Variants in ZNF787 observed in about 807,000 individuals in gnomAD.
ZNF787 encodes TTF-I-interacting peptide 20.
Under a neutral mutation model 16.9 loss-of-function variants are expected in ZNF787, and 7 were observed. That is an observed-to-expected ratio of 0.42 (90% confidence interval 0.24 to 0.78). ZNF787 has a LOEUF of 0.78. Ranked by LOEUF, ZNF787 falls within the 30% of genes least tolerant of loss-of-function variation. The probability of loss-of-function intolerance (pLI) is 0.30; values close to 1 mark genes in which losing one functional copy is unlikely to be tolerated. For missense variants in ZNF787, 551 were observed against 589.3 expected (o/e 0.94, Z 0.67); for synonymous variants, 345 against 270.9 (o/e 1.27, Z -2.69).
intron 1 of ZNF787, among the ~76,000 whole-genome samples, chr19:56,105,034 A>G (rs967214851): frequency 1.3e-5 from 2 of 152,212 alleles, no homozygotes; most frequent in Non-Finnish European, 2.9e-5. Flanking sequence ...AGGCTAAGGC[A>G]GGAGAATTGC....
At chr19:56,091,488 C>T (rs773530160) in intron 2 of ZNF787, among the ~76,000 whole-genome samples, 4 of 152,144 alleles carry the variant, frequency 2.6e-5, no homozygotes, top group Non-Finnish European at 5.9e-5. Flanking sequence ...CATGTCCTCA[C>T]CTCCCATTAG....
rs1985425362 is a variant in ZNF787, at chr19:56,088,378, T to C, written c.794A>G (p.Lys265Arg). Residue 265 changes from lysine to arginine, a missense_variant, in exon 3 of 3, where the codon AAG (lysine) becomes AGG (arginine). Around this residue, in one of 4 missense-constraint regions of ZNF787, gnomAD observed 392 missense variants for 312.7 expected, o/e 1.25. Transcript: ENST00000610935. This position sits in a 1 kb window ranked among gnomAD's most constrained non-coding sequence, Gnocchi z 8.6. ...GCGCCGCGACCGGGGCCCCGCGGCC[T>C]TTGCCCCCGCGCCCGCCATGGCTGC... ...AAAAMAGAGAKAAGPRSRRAP... is the reference protein window; with the variant it reads ...AAAAMAGAGARAAGPRSRRAP... 2 of 1,091,606 alleles carry C rather than the reference T, an allele frequency of 1.8e-6. No homozygotes were observed. The highest frequency in any genetic ancestry group is 2.2e-6 in the Non-Finnish European group (2 of 895,174). The allele number at this position is 1,091,606 out of a possible 1,614,324, so 67.6% of individuals were successfully genotyped here.
intron 2 of ZNF787, 33 bp downstream of exon 2, chr19:56,103,106 C>G: frequency 1.2e-6 from 2 of 1,608,776 alleles, no homozygotes; most frequent in Non-Finnish European, 1.7e-6. Flanking sequence ...TGGGAGGCAG[C>G]GGGGTCGGCT....
rs557945142 is a variant in ZNF787 at position 56,089,174 on chromosome 19, G to A, written c.80-82C>T. 1.6e-5 allele frequency: 17 copies of A among 1,088,332 alleles called. No individual in the cohort carries two copies. In the South Asian group the frequency reaches 2.4e-4, roughly 16 times the overall value. The allele number at this position is 1,088,332 out of a possible 1,614,324, so 67.4% of individuals were successfully genotyped here. On this transcript the variant is annotated intron_variant, in intron 2 of 2. Coordinates refer to ENST00000610935, the MANE Select transcript of ZNF787 (RefSeq NM_001002836.4). ...GCCTTGGCTGCTACGCTGGCCTCGG[G>A]TGCCTCGCTCCCCCTGGCGCAGGAC... is the stretch of plus-strand genomic sequence containing the variant.
rs1452459112 is a variant in ZNF787, at chr19:56,087,756, C to A, written c.*267G>T. 1 of 390,272 alleles carries A rather than the reference C, an allele frequency of 2.6e-6. No individual in the cohort carries two copies. The highest frequency in any genetic ancestry group is 4.1e-6 in the Non-Finnish European group (1 of 246,898). The allele number at this position is 390,272 out of a possible 1,614,324, so 24.2% of individuals were successfully genotyped here. ...CGCCACTCGGCCTCTGCAGTTCTCTCCATTGTCTCTCCGGCTCGCAGGCCG... is the reference window on the plus strand; with the variant it reads ...CGCCACTCGGCCTCTGCAGTTCTCTACATTGTCTCTCCGGCTCGCAGGCCG... On this transcript the variant is annotated 3_prime_UTR_variant, in exon 3 of 3. Coordinates refer to ENST00000610935, the MANE Select transcript of ZNF787 (RefSeq NM_001002836.4).
At position 56,095,450 on chromosome 19, in the gene ZNF787, A is replaced by G. The variant is rs139395187; in HGVS notation, c.80-6358T>C. Among the ~76,000 whole-genome samples the G allele has an allele frequency of 3.9e-5, 6 of 152,280 alleles. No individual in the cohort carries two copies. The East Asian group carries it at 1.2e-3, about 29-fold the overall frequency. Reference sequence around the variant, plus strand: ...TGAACTCAGTATTTTTCTGTTGCTCATTTTATGTATAAGTTTCCTTGAATT... The same window carrying G: ...TGAACTCAGTATTTTTCTGTTGCTCGTTTTATGTATAAGTTTCCTTGAATT... On this transcript the variant is annotated intron_variant, in intron 2 of 2. Transcript: ENST00000610935.
At position 56,105,158 on chromosome 19, in the gene ZNF787, T is replaced by G. The variant is rs144452736; in HGVS notation, c.-10-1931A>C. ...AAAATAAAATAAAATAAATAAATAA[T>G]AAAAAAATAAAATGAAACAGGCTCT... On this transcript the variant is annotated intron_variant, in intron 1 of 2. Coordinates refer to ENST00000610935, the MANE Select transcript of ZNF787 (RefSeq NM_001002836.4). Among the ~76,000 whole-genome samples the G allele has an allele frequency of 5.0e-3, 738 of 148,240 alleles. 10 individuals carry two copies. Among genetic ancestry groups the G allele is most frequent in the African/African-American group, 0.017 (695 of 40,634 alleles).
At chr19:56,093,482 G>A (rs1331822114) in intron 2 of ZNF787, among the ~76,000 whole-genome samples, 1 of 152,112 alleles carries the variant, frequency 6.6e-6, no homozygotes, top group African/African-American at 2.4e-5. Context: ...TCCCCTCAGT[G>A]TTTTCTCGGC....
chr19:56,096,270 C>G (rs1409033624), intron 2 of ZNF787, among the ~76,000 whole-genome samples: 3 of 75,466 alleles, frequency 4.0e-5, no homozygotes, highest in African/African-American at 9.6e-5. Flanking sequence ...AATAAAAAAA[C>G]TAGCTGGGTG....
At chr19:56,109,858 T>G (rs1568533707) in intron 1 of ZNF787, among the ~76,000 whole-genome samples, 1 of 152,054 alleles carries the variant, frequency 6.6e-6, no homozygotes, top group Admixed American at 6.6e-5. Context: ...CACTCCAGCC[T>G]GGGCGACAAA....
chr19:56,097,767 C>T (rs979561454), intron 2 of ZNF787, among the ~76,000 whole-genome samples: 8 of 152,154 alleles, frequency 5.3e-5, no homozygotes, highest in Admixed American at 3.3e-4. Context: ...TGAAGGAAGC[C>T]GAGACCCCAG....
At chr19:56,089,995 G>A (rs987838994) in intron 2 of ZNF787, among the ~76,000 whole-genome samples, 1 of 152,148 alleles carries the variant, frequency 6.6e-6, no homozygotes, top group Non-Finnish European at 1.5e-5. Context: ...AATCAGGTGG[G>A]AGGGCCTCAG....
rs765412882 is a variant in ZNF787 at position 56,088,243 on chromosome 19, G to A, written c.929C>T (p.Ala310Val). The A allele has an allele frequency of 1.1e-5, 16 of 1,471,944 alleles. No individual in the cohort carries two copies. Among genetic ancestry groups the A allele is most frequent in the Admixed American group, 2.3e-5 (1 of 43,666 alleles). The allele number at this position is 1,471,944 out of a possible 1,614,324, so 91.2% of individuals were successfully genotyped here. ...RAQHGDGLGAAGGEEPAHICV... is the reference protein window; with the variant it reads ...RAQHGDGLGAVGGEEPAHICV... The stretch of plus-strand genomic sequence containing the variant: ...GATGTGGGCCGGCTCCTCGCCCCCC[G>A]CCGCCCCGAGCCCGTCCCCGTGCTG... The change falls in exon 3 of 3, where the codon GCG becomes GTG. Residue 310 changes from alanine (A) to valine (V), a missense_variant. Ala to Val is a moderately conservative substitution (Grantham distance 64). Around this residue, in one of 4 missense-constraint regions of ZNF787, gnomAD observed 392 missense variants for 312.7 expected, o/e 1.25. Transcript: ENST00000610935. This position sits in a 1 kb window ranked among gnomAD's most constrained non-coding sequence, Gnocchi z 8.6.
intron 2 of ZNF787, among the ~76,000 whole-genome samples, chr19:56,098,293 C>T (rs1182426576): frequency 2.0e-5 from 3 of 152,232 alleles, no homozygotes; most frequent in African/African-American, 7.2e-5. Flanking sequence ...CCTGGGATTC[C>T]TCTGGATCGT....
chr19:56,112,374 G>A (rs1900744851), intron 1 of ZNF787, among the ~76,000 whole-genome samples: 1 of 152,172 alleles, frequency 6.6e-6, no homozygotes, highest in South Asian at 2.1e-4. Flanking sequence ...ACCTGGCTCT[G>A]ACCTCCGCTG....
chr19:56,088,083 G>GTCGTCCTCC lies in ZNF787; in HGVS notation c.1088_1089insGGAGGACGA (p.Glu362_Asp363insGluGluAsp). ...GCCCGCCCGCGGCCTCGTCGTCGTC[G>GTCGTCCTCC]TCCTCCTCCTCCCCGCCCGCGCGGT... On this transcript the variant is annotated inframe_insertion, in exon 3 of 3. Transcript: ENST00000610935. This position sits in a 1 kb window ranked among gnomAD's most constrained non-coding sequence, Gnocchi z 8.6. 6.7e-7 allele frequency: 1 copy of GTCGTCCTCC among 1,491,134 alleles called. No individual in the cohort carries two copies. 92.4% of individuals were successfully genotyped at this position (1,491,134 alleles called of 1,614,324 possible).
In ZNF787 at chr19:56,088,219, A is replaced by G; in HGVS notation, c.953T>C (p.Ile318Thr). Residue 318 changes from isoleucine to threonine, a missense_variant, in exon 3 of 3, where the codon ATC (isoleucine) becomes ACC (threonine). Ile to Thr is a moderately conservative substitution (Grantham distance 89, BLOSUM62 -1). Coordinates refer to ENST00000610935, the MANE Select transcript of ZNF787 (RefSeq NM_001002836.4). This position sits in a 1 kb window ranked among gnomAD's most constrained non-coding sequence, Gnocchi z 8.6. ...GAAGCCCTCCCCGCACTCCACGCAGATGTGGGCCGGCTCCTCGCCCCCCGC... is the reference window on the plus strand; with the variant it reads ...GAAGCCCTCCCCGCACTCCACGCAGGTGTGGGCCGGCTCCTCGCCCCCCGC... ...GAAGGEEPAH[I>T]CVECGEGFVQ... The G allele has an allele frequency of 6.6e-7, 1 of 1,515,924 alleles. No homozygotes were observed. Among genetic ancestry groups the G allele is most frequent in the Non-Finnish European group, 8.8e-7 (1 of 1,138,098 alleles). 93.9% of individuals were successfully genotyped at this position (1,515,924 alleles called of 1,614,324 possible).
At chr19:56,102,869 G>A (rs970141621) in intron 2 of ZNF787, 14 of 702,672 alleles carry the variant, frequency 2.0e-5, no homozygotes, top group Admixed American at 1.6e-4. Context: ...AGGCTGGAGG[G>A]GCAAGGACAG....
Position 56,088,881 on chromosome 19 carries a change from G to C in ZNF787, c.291C>G (p.Ala97=), listed in dbSNP as rs769481143. The change falls in exon 3 of 3, where the codon GCC becomes GCG. Residue 97 remains alanine (A), a synonymous_variant. Transcript: ENST00000610935. The surrounding 1 kb of genome is among the most constrained non-coding windows in gnomAD (Gnocchi z 8.6). Reference sequence around the variant, plus strand: ...TCTGCGAGAAGGTCTTGCCGCAGTCGGCGCAGGCGTTGGGCCGCTCGCCGG... The same window carrying C: ...TCTGCGAGAAGGTCTTGCCGCAGTCCGCGCAGGCGTTGGGCCGCTCGCCGG... ...THTGERPNAC[A]DCGKTFSQSS... 17 of 1,606,868 alleles carry C rather than the reference G, an allele frequency of 1.1e-5. No individual in the cohort carries two copies. The highest frequency in any genetic ancestry group is 1.7e-5 in the Admixed American group (1 of 59,420).
Sources: gnomAD v4.1 joint callset for allele counts (sites outside exome capture counted in the v4.1 genomes callset) on GRCh38, gnomAD v4.1.1 for gene constraint, gnomAD v4.1.1 regional missense constraint, Gnocchi (gnomAD v3.1) non-coding constraint, MANE v1.5 for transcripts, NCBI Gene and HGNC (gene_info 2026-07-23, HGNC 2026-07-21) for gene names.